The following TMEM131L variants were observed in gnomAD, a reference collection of about 807,000 sequenced individuals.
The protein encoded by TMEM131L is transmembrane protein 131-like.
TMEM131L carries 54 observed loss-of-function variants against 192.2 expected under a neutral mutation model. The observed-to-expected ratio is 0.28, with a 90% CI of 0.23 to 0.35. The LOEUF is 0.35. TMEM131L is among the 10% of genes least tolerant of loss of function. TMEM131L has a pLI of 1.00. For missense variants in TMEM131L, 1,888 were observed against 1,972.9 expected, an observed-to-expected ratio of 0.96 and a Z score of 0.82; for synonymous variants, 701 against 704.9, an observed-to-expected ratio of 0.99 and a Z score of 0.09.
intron 19 of TMEM131L, among the ~76,000 whole-genome samples, chr4:153,594,608 T>C (rs1403403578): frequency 2.0e-5 from 3 of 152,218 alleles, no homozygotes; most frequent in Non-Finnish European, 4.4e-5. Context: ...TTTACTACAC[T>C]ATATTTAAGC....
chr4:153,526,823 C>G (rs1340179778), intron 3 of TMEM131L, among the ~76,000 whole-genome samples: 1 of 151,864 alleles, frequency 6.6e-6, no homozygotes, highest in Non-Finnish European at 1.5e-5. Context: ...TGTGCTATAA[C>G]AGAGATAGGT....
chr4:153,616,368 G>A (rs544518120), intron 26 of TMEM131L, among the ~76,000 whole-genome samples: 202 of 148,776 alleles, frequency 1.4e-3, no homozygotes, highest in African/African-American at 4.5e-3. Context: ...TTCATTTGGC[G>A]AAAATCATTC....
chr4:153,607,900 T>TG (rs1405700672), intron 25 of TMEM131L, among the ~76,000 whole-genome samples: 1 of 152,234 alleles, frequency 6.6e-6, no homozygotes, highest in Non-Finnish European at 1.5e-5. Context: ...CAGGCCAGCC[T>TG]GGGCAACCTG....
rs1292504890 is a variant in TMEM131L, at chr4:153,602,720, T to G, written c.2632T>G (p.Phe878Val). Reference sequence around the variant, plus strand: ...GTCATTTTGGAGGCTCACGGTCTTCTTTGTCAGGTAAACCACTACTGTCTC... The same window carrying G: ...GTCATTTTGGAGGCTCACGGTCTTCGTTGTCAGGTAAACCACTACTGTCTC... ...EESFWRLTVF[F>V]VSLSLLGVIL... is the part of the protein sequence containing the mutation. The change falls in exon 23 of 35, where the codon TTT becomes GTT. Residue 878 changes from phenylalanine (F) to valine (V), a missense_variant. By Grantham distance (50) the Phe-to-Val change is conservative. Transcript: ENST00000409959. 1 of 1,613,946 alleles carries G rather than the reference T, an allele frequency of 6.2e-7. No individual in the cohort carries two copies. The highest frequency in any genetic ancestry group is 1.1e-5 in the South Asian group (1 of 91,060).
In TMEM131L at chr4:153,564,287, C is replaced by CAAAAAAAA. The variant is rs1178320668; in HGVS notation, c.660+5939_660+5946dup. Among the ~76,000 whole-genome samples, 56 of 17,644 alleles carry CAAAAAAAA rather than the reference C, an allele frequency of 3.2e-3. 1 individual carries two copies. The highest frequency in any genetic ancestry group is 6.5e-3 in the African/African-American group (47 of 7,256). The allele number at this position is 17,644 out of a possible 152,430, so 11.6% of individuals were successfully genotyped here. The stretch of plus-strand genomic sequence containing the variant: ...CTGGGAGACGAGCAAAACTCCGTCT[C>CAAAAAAAA]AAAAAAAAAAAAAAAAAAAAAAAAA... On this transcript the variant is annotated intron_variant, in intron 7 of 34. Coordinates refer to ENST00000409959, the MANE Select transcript of TMEM131L (RefSeq NM_001131007.2).
chr4:153,499,390 G>A (rs962991119), intron 3 of TMEM131L, among the ~76,000 whole-genome samples: 8 of 151,890 alleles, frequency 5.3e-5, no homozygotes, highest in Admixed American at 1.3e-4. Context: ...CTTGACAGGA[G>A]TCTTCCACTT....
intron 7 of TMEM131L, among the ~76,000 whole-genome samples, chr4:153,571,728 T>G (rs1729599192): frequency 1.3e-5 from 2 of 151,998 alleles, no homozygotes; most frequent in South Asian, 4.1e-4. Flanking sequence ...CCCAGCTAAG[T>G]TTTATATTTT....
At chr4:153,614,376 G>A (rs1301094840) in intron 26 of TMEM131L, among the ~76,000 whole-genome samples, 2 of 152,194 alleles carry the variant, frequency 1.3e-5, no homozygotes, top group African/African-American at 4.8e-5. Flanking sequence ...CTGAATTGTT[G>A]CCTGCTAAGG....
chr4:153,602,207 T>C lies in TMEM131L; in HGVS notation c.2322T>C (p.Asn774=). 6.2e-7 allele frequency: 1 copy of C among 1,612,550 alleles called. No homozygotes were observed. Among genetic ancestry groups the C allele is most frequent in the Middle Eastern group, 1.7e-4 (1 of 6,058 alleles). The part of the protein sequence containing the change: ...LSITKNFKVE[N]IGPLPITVSS... ...TTACAAAGAACTTTAAAGTTGAGAA[T>C]ATTGGACCTCTTCCTATAACTGTTT... is the stretch of plus-strand genomic sequence containing the variant. The change falls in exon 22 of 35, where the codon AAT becomes AAC. Residue 774 remains asparagine, a synonymous_variant. Coordinates refer to ENST00000409959, the MANE Select transcript of TMEM131L (RefSeq NM_001131007.2).
At chr4:153,625,604 T>A (rs778856074) in intron 29 of TMEM131L, among the ~76,000 whole-genome samples, 2 of 152,122 alleles carry the variant, frequency 1.3e-5, no homozygotes, top group African/African-American at 2.4e-5. Context: ...ACAATGTATA[T>A]GTGAAATATG....
At chr4:153,473,770 TGACAGAGCGA>T in intron 2 of TMEM131L, 65 bp from the exon 3 acceptor site, 1 of 1,218,802 alleles carries the variant, frequency 8.2e-7, no homozygotes, top group Non-Finnish European at 1.2e-6. Flanking sequence ...CCAGCCTGGG[TGACAGAGCGA>T]GACTCTGTCT....
intron 3 of TMEM131L, among the ~76,000 whole-genome samples, chr4:153,498,522 TGA>T (rs1166533137): frequency 6.6e-6 from 1 of 152,224 alleles, no homozygotes; most frequent in African/African-American, 2.4e-5. Flanking sequence ...TCGCACTATG[TGA>T]GAGAGCGTGT....
intron 9 of TMEM131L, 23 bp downstream of exon 9, chr4:153,581,583 TTTA>T: frequency 6.8e-7 from 1 of 1,476,928 alleles, no homozygotes; most frequent in Non-Finnish European, 9.1e-7. Context: ...GTTTAAAAAT[TTTA>T]TTATATTTTC....
intron 3 of TMEM131L, among the ~76,000 whole-genome samples, chr4:153,519,927 A>G (rs1223895197): frequency 6.6e-6 from 1 of 152,244 alleles, no homozygotes; most frequent in Non-Finnish European, 1.5e-5. Flanking sequence ...ACATGAAAAC[A>G]AAACTGCCAG....
chr4:153,618,422 A>G (rs1157949051), intron 26 of TMEM131L, among the ~76,000 whole-genome samples: 1 of 150,786 alleles, frequency 6.6e-6, no homozygotes, highest in Non-Finnish European at 1.5e-5. Flanking sequence ...GCAGCAGTGA[A>G]CAATGATTGC....
chr4:153,510,164 T>C (rs1328982366), intron 3 of TMEM131L, among the ~76,000 whole-genome samples: 1 of 152,188 alleles, frequency 6.6e-6, no homozygotes, highest in Non-Finnish European at 1.5e-5. Context: ...GATTTTTTTT[T>C]TGGTATGCTT....
rs748250958 is a variant in TMEM131L, at chr4:153,604,186, A to G, written c.3174A>G (p.Glu1058=). The change falls in exon 25 of 35, where the codon GAA becomes GAG. Residue 1058 remains glutamate, a synonymous_variant. Transcript: ENST00000409959. ...CCAAAAACTTACTGAATAAAGAAGAAAACACACTGAAAAACACAATTGTTT... is the reference window on the plus strand; with the variant it reads ...CCAAAAACTTACTGAATAAAGAAGAGAACACACTGAAAAACACAATTGTTT... The part of the protein sequence containing the change: ...TLPKNLLNKE[E]NTLKNTIVFS... 24 of 1,614,074 alleles carry G rather than the reference A, an allele frequency of 1.5e-5. No individual in the cohort carries two copies. Among genetic ancestry groups the G allele is most frequent in the Non-Finnish European group, 1.9e-5 (23 of 1,180,036 alleles).
rs1554042572 is a variant in TMEM131L at position 153,618,494 on chromosome 4, A to AC, written c.3568-2259dup. 4.1e-5 allele frequency among the ~76,000 whole-genome samples: 6 copies of AC among 146,556 alleles called. No individual in the cohort carries two copies. In the South Asian group the frequency reaches 8.5e-4, roughly 21 times the overall value. Reference sequence around the variant, plus strand: ...CTGTCTCCAAAAAAAAAAAAAAAAAACCCACCAAAAAAACCTCCAAATAAC... The same window carrying AC: ...CTGTCTCCAAAAAAAAAAAAAAAAAACCCCACCAAAAAAACCTCCAAATAAC... On this transcript the variant is annotated intron_variant, in intron 26 of 34. Transcript: ENST00000409959.
intron 8 of TMEM131L, 38 bp from the exon 9 acceptor site, chr4:153,581,369 T>TTTTTA: frequency 7.5e-7 from 1 of 1,329,272 alleles, no homozygotes; most frequent in Non-Finnish European, 1.0e-6. Flanking sequence ...GTTGAGATGA[T>TTTTTA]TTTTTTTTTC....
Sources: gnomAD v4.1 joint callset for allele counts (sites outside exome capture counted in the v4.1 genomes callset) on GRCh38, gnomAD v4.1.1 for gene constraint, MANE v1.5 for transcripts, NCBI Gene and HGNC (gene_info 2026-07-23, HGNC 2026-07-21) for gene names.